The following CNGB3 variants were observed in gnomAD, a reference collection of about 807,000 sequenced individuals.
CNGB3 encodes the protein cyclic nucleotide gated channel subunit beta 3.
In CNGB3, 86 loss-of-function variants were observed where a neutral mutation model predicts 92.8. The ratio of observed to expected loss-of-function variants is 0.93; its 90% confidence interval spans 0.78 to 1.11. The LOEUF (loss-of-function observed/expected upper bound fraction) is 1.11, where lower values mean the gene tolerates loss of function less well. Among genes scored for constraint, CNGB3 ranks in the 50% least tolerant of loss-of-function variants. CNGB3 has a pLI of 0.00. For missense variants in CNGB3, 1,026 were observed against 956.8 expected (o/e 1.07, Z -0.95); for synonymous variants, 333 against 332.7 (o/e 1.00, Z -0.01).
At chr8:86,578,897 C>T (rs779665256) in intron 16 of CNGB3, 34 bp from the exon 17 acceptor site, 1 of 1,613,796 alleles carries the variant, frequency 6.2e-7, no homozygotes. Flanking sequence ...TTTTAGGTAA[C>T]TCTGTGAGAG....
At chr8:86,697,994 G>T (rs372179248) in intron 3 of CNGB3, among the ~76,000 whole-genome samples, 3 of 152,128 alleles carry the variant, frequency 2.0e-5, no homozygotes, top group East Asian at 3.9e-4. Flanking sequence ...TGGCTGTATA[G>T]TATTCCATGG....
intron 3 of CNGB3, among the ~76,000 whole-genome samples, chr8:86,699,315 A>G (rs897771161): frequency 1.3e-5 from 2 of 152,006 alleles, no homozygotes; most frequent in African/African-American, 2.4e-5. Context: ...AATTGGCCAT[A>G]ACTTTATAAG....
intron 3 of CNGB3, among the ~76,000 whole-genome samples, chr8:86,708,563 ATTTTT>A (rs10714055): frequency 3.5e-5 from 3 of 85,934 alleles, no homozygotes; most frequent in Non-Finnish European, 4.5e-5. Flanking sequence ...TCTTTTCTTA[ATTTTT>A]TTTTTTTTTT....
At chr8:86,670,250 C>A (rs1015517731) in intron 4 of CNGB3, among the ~76,000 whole-genome samples, 2 of 152,172 alleles carry the variant, frequency 1.3e-5, no homozygotes, top group African/African-American at 4.8e-5. Flanking sequence ...CTCTTGGATA[C>A]CCAGGTAATA....
intron 8 of CNGB3, 104 bp from the exon 9 acceptor site, chr8:86,644,790 C>T: frequency 1.2e-6 from 1 of 814,134 alleles, no homozygotes; most frequent in Non-Finnish European, 1.6e-6. Context: ...TAATTTCATT[C>T]ATATGTCTTT....
At chr8:86,717,076 A>G (rs1428072571) in intron 3 of CNGB3, among the ~76,000 whole-genome samples, 1 of 152,220 alleles carries the variant, frequency 6.6e-6, no homozygotes, top group Non-Finnish European at 1.5e-5. Context: ...CTATTCTTAT[A>G]TCAGACAAAA....
At chr8:86,707,320 A>G (rs1824668390) in intron 3 of CNGB3, among the ~76,000 whole-genome samples, 1 of 152,226 alleles carries the variant, frequency 6.6e-6, no homozygotes, top group Admixed American at 6.5e-5. Flanking sequence ...AATATAGAAT[A>G]TGTCAGGTGA....
chr8:86,582,393 CA>C (rs35627136), intron 15 of CNGB3, among the ~76,000 whole-genome samples: 86,566 of 134,740 alleles, frequency 0.64, 26,586 homozygotes, highest in Admixed American at 0.72. Context: ...GACCCTATCT[CA>C]AAAAAAAAAA....
At chr8:86,650,385 G>A (rs66784197) in intron 7 of CNGB3, among the ~76,000 whole-genome samples, 9,100 of 150,296 alleles carry the variant, frequency 0.061, 307 homozygotes, top group South Asian at 0.12. Flanking sequence ...CCACTACTGG[G>A]TATCTACCAA....
At chr8:86,587,898 G>A (rs887184677) in intron 15 of CNGB3, among the ~76,000 whole-genome samples, 2 of 152,096 alleles carry the variant, frequency 1.3e-5, no homozygotes, top group East Asian at 3.9e-4. Context: ...GCTTGATGGG[G>A]ATTGCATTGA....
At chr8:86,625,901 A>C in intron 13 of CNGB3, 82 bp downstream of exon 13, 1 of 1,154,600 alleles carries the variant, frequency 8.7e-7, no homozygotes, top group Non-Finnish European at 1.3e-6. Context: ...AAGGCAAAAA[A>C]ACTCATAAAT....
intron 4 of CNGB3, among the ~76,000 whole-genome samples, chr8:86,669,093 A>G (rs1284168820): frequency 2.0e-5 from 3 of 151,906 alleles, no homozygotes; most frequent in Non-Finnish European, 2.9e-5. Context: ...TGGATGAAAT[A>G]TAGTGTCTGG....
At chr8:86,692,666 A>AT (rs1233193583) in intron 3 of CNGB3, among the ~76,000 whole-genome samples, 8 of 151,968 alleles carry the variant, frequency 5.3e-5, no homozygotes, top group Admixed American at 4.6e-4. Context: ...TGGTTGGTGG[A>AT]TTTTTATCCT....
chr8:86,589,243 G>A (rs1195375238), intron 15 of CNGB3, among the ~76,000 whole-genome samples: 1 of 150,034 alleles, frequency 6.7e-6, no homozygotes, highest in African/African-American at 2.5e-5. Flanking sequence ...TTCTTTATTA[G>A]TCTTGCTAGC....
chr8:86,720,839 TACACACACACAC>T (rs4024071), intron 3 of CNGB3, among the ~76,000 whole-genome samples: 6,173 of 129,860 alleles, frequency 0.048, 166 homozygotes, highest in Non-Finnish European at 0.057. Flanking sequence ...TATATATGTA[TACACACACACAC>T]ACACACACAC....
intron 10 of CNGB3, among the ~76,000 whole-genome samples, chr8:86,641,669 C>T (rs990828999): frequency 1.3e-5 from 2 of 150,848 alleles, no homozygotes; most frequent in African/African-American, 4.9e-5. Context: ...AGAAGTTATT[C>T]TCTCTATTTC....
intron 3 of CNGB3, among the ~76,000 whole-genome samples, chr8:86,711,534 C>A (rs1013827265): frequency 1.3e-5 from 2 of 152,124 alleles, no homozygotes; most frequent in African/African-American, 2.4e-5. Context: ...TTTTCTATGG[C>A]AACAGGCAAC....
chr8:86,577,949 G>A (rs1050294518), intron 17 of CNGB3, among the ~76,000 whole-genome samples: 3 of 152,052 alleles, frequency 2.0e-5, no homozygotes, highest in African/African-American at 2.4e-5. Context: ...TTGCTCTGTC[G>A]CCCAGGCTGG....
chr8:86,682,699 A>T (rs1477145012), intron 3 of CNGB3, among the ~76,000 whole-genome samples: 3 of 152,162 alleles, frequency 2.0e-5, no homozygotes, highest in Non-Finnish European at 4.4e-5. Context: ...CAAACGGAGG[A>T]CATTTGTAGA....
Sources: gnomAD v4.1 joint callset for allele counts (sites outside exome capture counted in the v4.1 genomes callset) on GRCh38, gnomAD v4.1.1 for gene constraint, MANE v1.5 for transcripts, NCBI Gene and HGNC (gene_info 2026-07-23, HGNC 2026-07-21) for gene names.